Variants in FBXO42 observed in about 807,000 individuals in gnomAD.
The protein encoded by FBXO42 is F-box protein 42.
FBXO42 carries 12 observed loss-of-function variants against 71.7 expected under a neutral mutation model. The ratio of observed to expected loss-of-function variants is 0.17; its 90% CI spans 0.11 to 0.27. The LOEUF (loss-of-function observed/expected upper bound fraction) is 0.27, where lower values mean the gene tolerates loss of function less well. FBXO42 is among the 10% of genes least tolerant of loss of function. FBXO42 has a pLI of 1.00. For synonymous variants in FBXO42, 325 were observed against 327.5 expected (o/e 0.99, Z 0.08); for missense variants, 707 against 911.9 (o/e 0.78, Z 2.89).
chr1:16,330,603 T>C (rs984864422), intron 1 of FBXO42, among the ~76,000 whole-genome samples: 7 of 151,954 alleles, frequency 4.6e-5, no homozygotes, highest in Admixed American at 2.6e-4. Flanking sequence ...GGTCAACAGA[T>C]TGAGACCATC....
chr1:16,329,913 C>T (rs2082482964), intron 1 of FBXO42, among the ~76,000 whole-genome samples: 1 of 152,038 alleles, frequency 6.6e-6, no homozygotes, highest in African/African-American at 2.4e-5. Context: ...CTTGCCATTG[C>T]ACTCCAGCCT....
intron 1 of FBXO42, among the ~76,000 whole-genome samples, chr1:16,337,749 C>T (rs1429632382): frequency 2.0e-5 from 3 of 151,356 alleles, no homozygotes; most frequent in East Asian, 1.9e-4. Context: ...CTGGGCACGG[C>T]GACAGGCACC....
chr1:16,325,010 G>A (rs1296270986), intron 1 of FBXO42, among the ~76,000 whole-genome samples: 1 of 151,880 alleles, frequency 6.6e-6, no homozygotes, highest in Non-Finnish European at 1.5e-5. Context: ...GGCCAAAACA[G>A]GCAGATTGCT....
intron 4 of FBXO42, chr1:16,294,149 C>G (rs2082106182): frequency 6.6e-6 from 1 of 152,336 alleles, no homozygotes; most frequent in East Asian, 1.9e-4. Context: ...ACCAACCCCT[C>G]CAATCTATGC....
chr1:16,305,466 C>G (rs2082239953), intron 3 of FBXO42, among the ~76,000 whole-genome samples: 1 of 152,150 alleles, frequency 6.6e-6, no homozygotes, highest in South Asian at 2.1e-4. Context: ...TATGTAATCC[C>G]AGCACTCTGG....
At chr1:16,346,561 G>A (rs369628651) in intron 1 of FBXO42, among the ~76,000 whole-genome samples, 29 of 151,648 alleles carry the variant, frequency 1.9e-4, no homozygotes, top group South Asian at 1.3e-3. Flanking sequence ...GGTGGTGGGC[G>A]CATGTAGTCC....
intron 4 of FBXO42, among the ~76,000 whole-genome samples, chr1:16,270,708 A>AAAG (rs58017298): frequency 0.99 from 84,096 of 85,156 alleles, 41,526 homozygotes; most frequent in East Asian, 0.99. Context: ...AAAAGAAAAG[A>AAAG]AAGAAGAAAA....
chr1:16,307,334 C>T (rs1248149375), intron 2 of FBXO42, among the ~76,000 whole-genome samples: 2 of 152,024 alleles, frequency 1.3e-5, no homozygotes, highest in Non-Finnish European at 2.9e-5. Context: ...CCCCATTTCT[C>T]TGCAAAAAAA....
chr1:16,256,575 C>T (rs2081647790), intron 5 of FBXO42, 31 bp downstream of exon 5: 1 of 1,600,822 alleles, frequency 6.2e-7, no homozygotes, highest in Non-Finnish European at 8.5e-7. Context: ...CCTTTTCTTC[C>T]AGATTTAAAG....
chr1:16,333,436 A>ACC (rs71574175), intron 1 of FBXO42, among the ~76,000 whole-genome samples: 53 of 101,766 alleles, frequency 5.2e-4, no homozygotes, highest in African/African-American at 1.7e-3. Flanking sequence ...AAATAGTGAG[A>ACC]CCCCCCCCCC....
In FBXO42 at chr1:16,253,539, G is replaced by A. The variant is rs151049038; in HGVS notation, c.864+96C>T. 3.1e-4 allele frequency: 313 copies of A among 1,009,868 alleles called. 3 individuals are homozygous for A. In the African/African-American group the frequency reaches 4.6e-3, roughly 15 times the overall value. 62.6% of individuals were successfully genotyped at this position (1,009,868 alleles called of 1,614,324 possible). A position where few individuals can be genotyped will look rare whatever the true frequency, so the allele number is the denominator to read the frequency against. Reference sequence around the variant, plus strand: ...AATGATACATTTTCTTTGGCTTAGTGCATATTGGCATCTTACCTGACTCCC... The same window carrying A: ...AATGATACATTTTCTTTGGCTTAGTACATATTGGCATCTTACCTGACTCCC... On this transcript the variant is annotated intron_variant, in intron 7 of 9. Transcript: ENST00000375592.
chr1:16,320,348 C>G lies in FBXO42; in HGVS notation c.-17-4913G>C, dbSNP rs1376318979. The stretch of plus-strand genomic sequence containing the variant: ...CGCACTCTAGCCTGGGCAACAAGAG[C>G]AAACTCCATGTCAAAAAAAAAAAAA... On this transcript the variant is annotated intron_variant, in intron 1 of 9. Coordinates refer to ENST00000375592, the MANE Select transcript of FBXO42 (RefSeq NM_018994.3). Among the ~76,000 whole-genome samples the G allele has an allele frequency of 3.4e-5, 3 of 87,702 alleles. No homozygotes were observed. The East Asian group carries it at 1.1e-3, about 31-fold the overall frequency. 57.5% of individuals were successfully genotyped at this position (87,702 alleles called of 152,430 possible).
intron 3 of FBXO42, 67 bp from the exon 4 acceptor site, chr1:16,294,984 C>G: frequency 6.7e-7 from 1 of 1,487,822 alleles, no homozygotes; most frequent in South Asian, 1.4e-5. Flanking sequence ...TTAACCATAA[C>G]ATATATTTTT....
chr1:16,295,645 G>A (rs370792808), intron 3 of FBXO42, among the ~76,000 whole-genome samples: 10 of 151,940 alleles, frequency 6.6e-5, no homozygotes, highest in South Asian at 2.1e-4. Flanking sequence ...CACCCGCCTC[G>A]GCCTCTCAAA....
chr1:16,282,736 T>A (rs1022018090), intron 4 of FBXO42, among the ~76,000 whole-genome samples: 5 of 151,984 alleles, frequency 3.3e-5, no homozygotes, highest in Admixed American at 1.3e-4. Flanking sequence ...ATCCCAGCAC[T>A]TTGGGAGGCC....
chr1:16,333,699 T>G (rs1197813429), intron 1 of FBXO42, among the ~76,000 whole-genome samples: 1 of 152,180 alleles, frequency 6.6e-6, no homozygotes, highest in Non-Finnish European at 1.5e-5. Flanking sequence ...GATGCAAAAA[T>G]GCACAGCCAC....
rs111911583 is a variant in FBXO42 at position 16,328,584 on chromosome 1, G to A, written c.-17-13149C>T. 2.9e-4 allele frequency among the ~76,000 whole-genome samples: 44 copies of A among 152,154 alleles called. 1 individual carries two copies. The highest frequency in any genetic ancestry group is 1.0e-3 in the African/African-American group (43 of 41,512). On this transcript the variant is annotated intron_variant, in intron 1 of 9. Transcript: ENST00000375592. ...ACTCATGTTTAAATAGATACAGATG[G>A]TTACATATAAATATTTACAATTGGT...
intron 3 of FBXO42, among the ~76,000 whole-genome samples, chr1:16,303,787 C>G (rs973876350): frequency 6.6e-6 from 1 of 151,986 alleles, no homozygotes; most frequent in African/African-American, 2.4e-5. Flanking sequence ...ACTCTGTCAC[C>G]GAGGCTAGAG....
chr1:16,300,143 A>T (rs1187010268), intron 3 of FBXO42, among the ~76,000 whole-genome samples: 2 of 152,172 alleles, frequency 1.3e-5, no homozygotes, highest in Admixed American at 1.3e-4. Flanking sequence ...TTCTCAACCT[A>T]AATAGAAAAT....
Sources: gnomAD v4.1 joint callset for allele counts (sites outside exome capture counted in the v4.1 genomes callset) on GRCh38, gnomAD v4.1.1 for gene constraint, MANE v1.5 for transcripts, NCBI Gene and HGNC (gene_info 2026-07-23, HGNC 2026-07-21) for gene names.